The following PPP2R5A variants were observed in gnomAD, a reference collection of about 807,000 sequenced individuals.
The protein encoded by PPP2R5A is protein phosphatase 2 regulatory subunit B'alpha.
A neutral mutation model predicts 64.2 loss-of-function variants in PPP2R5A; 25 were observed. The ratio of observed to expected loss-of-function variants is 0.39; its 90% CI spans 0.28 to 0.54. PPP2R5A has a LOEUF of 0.54. PPP2R5A is among the 20% of genes least tolerant of loss of function. The probability of loss-of-function intolerance (pLI) is 0.67; values close to 1 mark genes in which losing one functional copy is unlikely to be tolerated. For missense variants in PPP2R5A, 425 were observed against 576.3 expected (o/e 0.74, Z 2.69); for synonymous variants, 198 against 201.2 (o/e 0.98, Z 0.13).
At chr1:212,356,731 G>A (rs1284948925) in intron 9 of PPP2R5A, 55 bp downstream of exon 9, 9 of 1,555,108 alleles carry the variant, frequency 5.8e-6, no homozygotes, top group African/African-American at 2.7e-5. Context: ...CAATCCCAGG[G>A]CTATAAACCA....
intron 8 of PPP2R5A, among the ~76,000 whole-genome samples, chr1:212,350,971 C>A (rs4951590): frequency 4.1e-5 from 3 of 72,942 alleles, no homozygotes; most frequent in African/African-American, 2.2e-4. Flanking sequence ...AACCCCATTT[C>A]TACTTAAAAA....
chr1:212,321,461 A>G (rs1385804264), intron 1 of PPP2R5A, among the ~76,000 whole-genome samples: 1 of 145,254 alleles, frequency 6.9e-6, no homozygotes, highest in African/African-American at 2.7e-5. Flanking sequence ...GGGGCTCCTC[A>G]CTTCTCAGAC....
chr1:212,339,004 A>G (rs533828788), intron 3 of PPP2R5A, among the ~76,000 whole-genome samples: 99 of 152,274 alleles, frequency 6.5e-4, no homozygotes, highest in Non-Finnish European at 6.2e-4. Flanking sequence ...CATATATTCT[A>G]TGTTACGGTG....
At chr1:212,332,215 C>A (rs1571599262) in intron 2 of PPP2R5A, among the ~76,000 whole-genome samples, 1 of 152,270 alleles carries the variant, frequency 6.6e-6, no homozygotes, top group East Asian at 1.9e-4. Flanking sequence ...CTTATTAAGT[C>A]TTAACGGTTA....
intron 5 of PPP2R5A, among the ~76,000 whole-genome samples, chr1:212,346,221 T>TATATGTAACATAC (rs1659774830): frequency 6.6e-6 from 1 of 151,996 alleles, no homozygotes; most frequent in Non-Finnish European, 1.5e-5. Flanking sequence ...ACGTAGTATA[T>TATATGTAACATAC]ATATGTAACA....
chr1:212,325,401 T>G (rs1380664833), intron 1 of PPP2R5A, among the ~76,000 whole-genome samples: 1 of 152,152 alleles, frequency 6.6e-6, no homozygotes, highest in African/African-American at 2.4e-5. Context: ...GAAAAGACTT[T>G]GAACAAAGAC....
chr1:212,292,506 A>C (rs1057417085), intron 1 of PPP2R5A, among the ~76,000 whole-genome samples: 1 of 152,070 alleles, frequency 6.6e-6, no homozygotes, highest in Admixed American at 6.5e-5. Context: ...TCCCCTTTAG[A>C]TTGTGCTGCT....
intron 1 of PPP2R5A, among the ~76,000 whole-genome samples, chr1:212,321,092 G>A (rs1278463237): frequency 5.4e-5 from 7 of 128,628 alleles, no homozygotes; most frequent in African/African-American, 1.8e-4. Context: ...CCTCCCGGAC[G>A]GGGCGGCTGG....
chr1:212,352,577 G>A (rs1180196438), intron 8 of PPP2R5A, among the ~76,000 whole-genome samples: 1 of 151,766 alleles, frequency 6.6e-6, no homozygotes, highest in African/African-American at 2.4e-5. Context: ...AGCCTCCCAA[G>A]TAGCTGGGAC....
intron 4 of PPP2R5A, 126 bp downstream of exon 4, chr1:212,342,406 C>T (rs905336350): frequency 1.6e-6 from 2 of 1,229,134 alleles, no homozygotes; most frequent in Non-Finnish European, 2.2e-6. Context: ...AATATTACTG[C>T]CAAACCATTA....
At position 212,347,270 on chromosome 1, in the gene PPP2R5A, T is replaced by C. The variant is rs1450132189; in HGVS notation, c.705-77T>C. ...CTAATAGCTGTCCTTTGGATTGATT[T>C]CTTCACCCTCCTGCCTGTTTCTCTT... On this transcript the variant is annotated intron_variant, in intron 5 of 12. Coordinates refer to ENST00000261461, the MANE Select transcript of PPP2R5A (RefSeq NM_006243.4). The C allele has an allele frequency of 1.7e-5, 18 of 1,062,752 alleles. 1 individual carries two copies. Among genetic ancestry groups the C allele is most frequent in the Middle Eastern group, 2.0e-4 (1 of 4,972 alleles). 65.8% of individuals were successfully genotyped at this position (1,062,752 alleles called of 1,614,324 possible).
At chr1:212,315,929 TTGTAA>T (rs1182112055) in intron 1 of PPP2R5A, among the ~76,000 whole-genome samples, 1 of 152,192 alleles carries the variant, frequency 6.6e-6, no homozygotes, top group Non-Finnish European at 1.5e-5. Context: ...AATGTTACTA[TTGTAA>T]TTGTTTTGGG....
chr1:212,301,241 C>G (rs952590739), intron 1 of PPP2R5A, among the ~76,000 whole-genome samples: 2 of 152,156 alleles, frequency 1.3e-5, no homozygotes, highest in African/African-American at 4.8e-5. Flanking sequence ...GAACTCCTGG[C>G]CTCAAGTGAT....
intron 1 of PPP2R5A, chr1:212,313,956 C>T (rs1331884495): frequency 1.3e-5 from 2 of 152,172 alleles, no homozygotes; most frequent in Non-Finnish European, 2.9e-5. Flanking sequence ...AATTGTATTC[C>T]TTGTATAGAT....
chr1:212,360,846 A>G lies in PPP2R5A; in HGVS notation c.*76A>G, dbSNP rs2102453136. 1 of 1,395,602 alleles carries G rather than the reference A, an allele frequency of 7.2e-7. No individual in the cohort carries two copies. The highest frequency in any genetic ancestry group is 9.5e-7 in the Non-Finnish European group (1 of 1,051,632). The allele number at this position is 1,395,602 out of a possible 1,614,324, so 86.5% of individuals were successfully genotyped here. ...TGAAATATGTAAAAATTACAAAACAAACCTCATCAGTATAATATAATTAAA... is the reference window on the plus strand; with the variant it reads ...TGAAATATGTAAAAATTACAAAACAGACCTCATCAGTATAATATAATTAAA... On this transcript the variant is annotated 3_prime_UTR_variant, in exon 13 of 13. Coordinates refer to ENST00000261461, the MANE Select transcript of PPP2R5A (RefSeq NM_006243.4).
rs749903811 is a variant in PPP2R5A, at chr1:212,357,139, C to G, written c.1099-18C>G. The G allele has an allele frequency of 1.9e-6, 3 of 1,579,066 alleles. 1 individual carries two copies. Among genetic ancestry groups the G allele is most frequent in the Non-Finnish European group, 2.6e-6 (3 of 1,165,234 alleles). On this transcript the variant is annotated intron_variant, in intron 10 of 12. Coordinates refer to ENST00000261461, the MANE Select transcript of PPP2R5A (RefSeq NM_006243.4). ...TTCCTATTTTAGTTTTGACATTTCT[C>G]TAAATGTCTTTTTTTAGGTTGCAGA...
At chr1:212,360,149 A>G (rs191415588) in intron 12 of PPP2R5A, among the ~76,000 whole-genome samples, 48 of 152,300 alleles carry the variant, frequency 3.2e-4, no homozygotes, top group African/African-American at 1.2e-3. Flanking sequence ...TAAAGTTTTC[A>G]TTTGACATGT....
intron 1 of PPP2R5A, among the ~76,000 whole-genome samples, chr1:212,324,752 C>T (rs1037806381): frequency 1.3e-5 from 2 of 152,076 alleles, no homozygotes; most frequent in African/African-American, 2.4e-5. Context: ...CTACAGGTGC[C>T]TGCCACCATG....
intron 2 of PPP2R5A, chr1:212,331,606 T>A (rs992737131): frequency 1.3e-5 from 2 of 152,204 alleles, no homozygotes; most frequent in East Asian, 1.9e-4. Context: ...AAGTTTTTTT[T>A]ATCATTTAAA....
Sources: allele counts gnomAD v4.1 joint callset (sites outside exome capture counted in the v4.1 genomes callset), GRCh38; gene constraint gnomAD v4.1.1; transcripts MANE v1.5; gene names NCBI Gene and HGNC (gene_info 2026-07-23, HGNC 2026-07-21).